MGRN1: variants seen among roughly 807,000 people sequenced by gnomAD.
MGRN1 encodes the protein mahogunin ring finger 1, also known as E3 ubiquitin-protein ligase MGRN1.
MGRN1 carries 29 observed loss-of-function variants against 69.2 expected under a neutral mutation model. The ratio of observed to expected loss-of-function variants is 0.42; its 90% CI spans 0.31 to 0.57. The LOEUF (loss-of-function observed/expected upper bound fraction) is 0.57, where lower values mean the gene tolerates loss of function less well. Among genes scored for constraint, MGRN1 ranks in the 20% least tolerant of loss-of-function variants. The probability of loss-of-function intolerance (pLI) is 0.15; values close to 1 mark genes in which losing one functional copy is unlikely to be tolerated. For missense variants in MGRN1, 998 were observed against 796.2 expected, an observed-to-expected ratio of 1.25 and a Z score of -3.05; for synonymous variants, 470 against 344.2, an observed-to-expected ratio of 1.37 and a Z score of -4.04.
chr16:4,626,686 T>G (rs1007854123), intron 1 of MGRN1, among the ~76,000 whole-genome samples: 2 of 152,252 alleles, frequency 1.3e-5, no homozygotes, highest in African/African-American at 4.8e-5. Flanking sequence ...ATGTCCGTTC[T>G]TCACTTGGGC....
At chr16:4,653,940 C>T (rs770917971) in intron 4 of MGRN1, among the ~76,000 whole-genome samples, 20 of 152,094 alleles carry the variant, frequency 1.3e-4, no homozygotes, top group South Asian at 2.1e-4. Flanking sequence ...TTAGTAGAGA[C>T]GGGGTTTCAT....
At position 4,682,055 on chromosome 16, in the gene MGRN1, T is replaced by C. The variant is rs1016286997; in HGVS notation, c.1358+279T>C. ...GCATACGTGCTCTCGAGCAGGAAAC[T>C]GCAGGGGTCGGTGCTGTGTCTCTGC... is the stretch of plus-strand genomic sequence containing the variant. On this transcript the variant is annotated intron_variant, in intron 13 of 16. Transcript: ENST00000262370. 5.3e-5 allele frequency among the ~76,000 whole-genome samples: 8 copies of C among 152,302 alleles called. No homozygotes were observed. In the South Asian group the frequency reaches 6.2e-4, roughly 12 times the overall value.
chr16:4,642,697 C>T (rs1213230452), intron 1 of MGRN1, among the ~76,000 whole-genome samples: 1 of 151,744 alleles, frequency 6.6e-6, no homozygotes, highest in Non-Finnish European at 1.5e-5. Context: ...TGACGGCAGA[C>T]CTCAAGTGAT....
At position 4,686,945 on chromosome 16, in the gene MGRN1, C is replaced by T. The variant is rs2079334776; in HGVS notation, c.1619-1851C>T. The T allele has an allele frequency of 9.1e-6, 9 of 985,396 alleles. No individual in the cohort carries two copies. In the South Asian group the frequency reaches 3.8e-4, roughly 41 times the overall value. The allele number at this position is 985,396 out of a possible 1,614,324, so 61.0% of individuals were successfully genotyped here. ...GGAGGGAGTCCGTCCTCGAGGGGCCCTCTGGTGCCCAGGGGAGAGTATCTT... is the reference window on the plus strand; with the variant it reads ...GGAGGGAGTCCGTCCTCGAGGGGCCTTCTGGTGCCCAGGGGAGAGTATCTT... On this transcript the variant is annotated intron_variant, in intron 16 of 16. Transcript: ENST00000262370.
chr16:4,688,360 G>A (rs549215553), intron 16 of MGRN1: 4 of 995,840 alleles, frequency 4.0e-6, no homozygotes, highest in Non-Finnish European at 4.8e-6. Context: ...TCTGAGCACG[G>A]GCTTGTTCTC....
chr16:4,656,852 C>G lies in MGRN1; in HGVS notation c.444-394C>G, dbSNP rs148923095. ...CTGAGATCACAACACTGCACTCCAG[C>G]CCAGGCGACAGAGCGAGACTCTTAT... On this transcript the variant is annotated intron_variant, in intron 4 of 16. Coordinates refer to ENST00000262370, the MANE Select transcript of MGRN1 (RefSeq NM_015246.4). Among the ~76,000 whole-genome samples, 74 of 152,050 alleles carry G rather than the reference C, an allele frequency of 4.9e-4. 1 individual carries two copies. Among genetic ancestry groups the G allele is most frequent in the African/African-American group, 1.5e-3 (62 of 41,454 alleles).
Position 4,689,046 on chromosome 16 carries a change from T to C in MGRN1, c.*138T>C. ...AGGCTCCGAGGGGCCGTGGTGACTC[T>C]TGATCAAAGAGCACAGTGAACTGTC... On this transcript the variant is annotated 3_prime_UTR_variant, in exon 17 of 17. Transcript: ENST00000262370. 1 of 1,196,556 alleles carries C rather than the reference T, an allele frequency of 8.4e-7. No individual in the cohort carries two copies. Among genetic ancestry groups the C allele is most frequent in the Non-Finnish European group, 1.1e-6 (1 of 884,926 alleles). 74.1% of individuals were successfully genotyped at this position (1,196,556 alleles called of 1,614,324 possible).
chr16:4,638,488 T>C (rs2078082229), intron 1 of MGRN1, among the ~76,000 whole-genome samples: 1 of 150,962 alleles, frequency 6.6e-6, no homozygotes, highest in African/African-American at 2.5e-5. Context: ...AATAAATATC[T>C]CAGCCCATGT....
intron 6 of MGRN1, 117 bp downstream of exon 6, chr16:4,664,892 T>G (rs2078765359): frequency 7.2e-7 from 1 of 1,395,992 alleles, no homozygotes; most frequent in Admixed American, 1.8e-5. Flanking sequence ...GCCTTGGGCT[T>G]CCCACAGGGC....
chr16:4,690,282 G>A lies in MGRN1; in HGVS notation c.*1374G>A, dbSNP rs950384273. 1 of 152,170 alleles carries A rather than the reference G, an allele frequency of 6.6e-6. No homozygotes were observed. Among genetic ancestry groups the A allele is most frequent in the Admixed American group, 6.5e-5 (1 of 15,284 alleles). 9.4% of individuals were successfully genotyped at this position (152,170 alleles called of 1,614,324 possible). ...GGCAAAGGGAGTGCCTGGGCCTGGTGACCCAGGGCTGGATCCACCCCTGCG... is the reference window on the plus strand; with the variant it reads ...GGCAAAGGGAGTGCCTGGGCCTGGTAACCCAGGGCTGGATCCACCCCTGCG... On this transcript the variant is annotated 3_prime_UTR_variant, in exon 17 of 17. Coordinates refer to ENST00000262370, the MANE Select transcript of MGRN1 (RefSeq NM_015246.4).
At chr16:4,648,770 G>A (rs1321206584) in intron 1 of MGRN1, among the ~76,000 whole-genome samples, 4 of 120,656 alleles carry the variant, frequency 3.3e-5, no homozygotes, top group Non-Finnish European at 6.7e-5. Flanking sequence ...TCCTCCTCCC[G>A]GGGCTCTTCC....
intron 12 of MGRN1, among the ~76,000 whole-genome samples, chr16:4,680,925 C>T (rs552934082): frequency 1.2e-4 from 19 of 152,380 alleles, no homozygotes; most frequent in African/African-American, 3.1e-4. Flanking sequence ...TTGTGCCCCT[C>T]AACCTGGTTT....
At chr16:4,649,369 CAG>C (rs1233552068) in intron 1 of MGRN1, 1 of 152,242 alleles carries the variant, frequency 6.6e-6, no homozygotes, top group African/African-American at 2.4e-5. Flanking sequence ...CTCACCATCA[CAG>C]AGGCACACGT....
At chr16:4,683,331 G>GT in intron 15 of MGRN1, 62 bp downstream of exon 15, 8 of 1,578,144 alleles carry the variant, frequency 5.1e-6, no homozygotes, top group Non-Finnish European at 6.9e-6. Context: ...TGGCTTACTG[G>GT]GGCCTTAGGG....
chr16:4,672,370 C>T (rs2078957890), intron 9 of MGRN1: 1 of 456,616 alleles, frequency 2.2e-6, no homozygotes, highest in African/African-American at 2.0e-5. Context: ...AAAAGGCACA[C>T]TGACATGAGT....
chr16:4,678,598 GA>G (rs1000914091), intron 11 of MGRN1, among the ~76,000 whole-genome samples: 1 of 152,214 alleles, frequency 6.6e-6, no homozygotes, highest in Non-Finnish European at 1.5e-5. Flanking sequence ...GAGAGACAGA[GA>G]TGGGGATGGG....
At chr16:4,682,698 A>G (rs547615137) in intron 13 of MGRN1, 125 bp from the exon 14 acceptor site, 2 of 1,127,258 alleles carry the variant, frequency 1.8e-6, no homozygotes, top group South Asian at 2.5e-5. Context: ...TTCTCCAGGG[A>G]GTGTCCTTGC....
chr16:4,685,528 C>A (rs1348156356), intron 16 of MGRN1, among the ~76,000 whole-genome samples: 2 of 152,256 alleles, frequency 1.3e-5, no homozygotes, highest in African/African-American at 4.8e-5. Flanking sequence ...CTCCTGGGCC[C>A]TGGGCCCCGC....
At chr16:4,661,776 T>A (rs980419878) in intron 5 of MGRN1, among the ~76,000 whole-genome samples, 2 of 152,236 alleles carry the variant, frequency 1.3e-5, no homozygotes, top group African/African-American at 4.8e-5. Context: ...CCCCTGACCC[T>A]TCCTCGTGAG....
Sources: allele counts gnomAD v4.1 joint callset (sites outside exome capture counted in the v4.1 genomes callset), GRCh38; gene constraint gnomAD v4.1.1; transcripts MANE v1.5; gene names NCBI Gene and HGNC (gene_info 2026-07-23, HGNC 2026-07-21).